ZFPM2: variants seen among roughly 807,000 people sequenced by gnomAD.
ZFPM2 encodes the protein zinc finger protein, FOG family member 2.
Under a neutral mutation model 98.6 loss-of-function variants are expected in ZFPM2, and 20 were observed. That is an observed-to-expected ratio of 0.20 (90% CI 0.14 to 0.29). The LOEUF (loss-of-function observed/expected upper bound fraction) is 0.29. Among genes scored for constraint, ZFPM2 ranks in the 10% least tolerant of loss-of-function variants. The pLI, the probability that ZFPM2 is intolerant of heterozygous loss-of-function variation, is 1.00. For missense variants in ZFPM2, 1,310 were observed against 1,388.6 expected (o/e 0.94, Z 0.90); for synonymous variants, 518 against 502.7 (o/e 1.03, Z -0.41).
rs76405453 is a variant in ZFPM2, at chr8:105,495,114, C to T, written c.301+50733C>T. On this transcript the variant is annotated intron_variant, in intron 3 of 7. Transcript: ENST00000407775. ...CTGTAGTTTGCCCACTCTTGACCTACCTTTAGCCATTGCTAGGTCCCACCA... is the reference window on the plus strand; with the variant it reads ...CTGTAGTTTGCCCACTCTTGACCTATCTTTAGCCATTGCTAGGTCCCACCA... Among the ~76,000 whole-genome samples the T allele has an allele frequency of 5.1e-3, 783 of 152,326 alleles. 2 individuals carry two copies. The highest frequency in any genetic ancestry group is 0.014 in the Middle Eastern group (4 of 294).
At chr8:105,492,739 C>T (rs1029450766) in intron 3 of ZFPM2, among the ~76,000 whole-genome samples, 10 of 152,098 alleles carry the variant, frequency 6.6e-5, no homozygotes, top group Middle Eastern at 6.3e-3. Flanking sequence ...AAATCCTCAT[C>T]GAACAATACT....
At position 105,600,147 on chromosome 8, in the gene ZFPM2, G is replaced by A. The variant is rs182017460; in HGVS notation, c.421-34099G>A. Among the ~76,000 whole-genome samples, 13 of 152,200 alleles carry A rather than the reference G, an allele frequency of 8.5e-5. No individual in the cohort carries two copies. In the East Asian group the frequency reaches 2.3e-3, roughly 27 times the overall value. ...TACTGAGTTTTGCTCAAGTATTTAA[G>A]ATAGTATTCCTGTTGATTTTAGTCT... On this transcript the variant is annotated intron_variant, in intron 4 of 7. Coordinates refer to ENST00000407775, the MANE Select transcript of ZFPM2 (RefSeq NM_012082.4).
intron 1 of ZFPM2, among the ~76,000 whole-genome samples, chr8:105,328,998 AC>A (rs1812164864): frequency 6.6e-6 from 1 of 151,734 alleles, no homozygotes; most frequent in African/African-American, 2.4e-5. Flanking sequence ...TAAAAATATC[AC>A]CCCACTTCTT....
chr8:105,613,460 A>C (rs1299060515), intron 4 of ZFPM2, among the ~76,000 whole-genome samples: 1 of 152,166 alleles, frequency 6.6e-6, no homozygotes, highest in East Asian at 1.9e-4. Context: ...AAAATAACAA[A>C]TGTGGTAAAA....
At chr8:105,770,884 C>G (rs535870030) in intron 5 of ZFPM2, among the ~76,000 whole-genome samples, 1 of 152,206 alleles carries the variant, frequency 6.6e-6, no homozygotes, top group Non-Finnish European at 1.5e-5. Flanking sequence ...AAAAGAATAT[C>G]ACCCACTAAG....
At chr8:105,449,223 G>C (rs1812438431) in intron 3 of ZFPM2, among the ~76,000 whole-genome samples, 1 of 151,900 alleles carries the variant, frequency 6.6e-6, no homozygotes, top group African/African-American at 2.4e-5. Context: ...CTTACCATCA[G>C]GCTTATAGCA....
At chr8:105,526,500 T>G (rs1814176622) in intron 3 of ZFPM2, among the ~76,000 whole-genome samples, 1 of 152,188 alleles carries the variant, frequency 6.6e-6, no homozygotes, top group African/African-American at 2.4e-5. Context: ...AATCATTTTT[T>G]TCCTCCTAAA....
chr8:105,322,484 T>A (rs1736513003), intron 1 of ZFPM2, among the ~76,000 whole-genome samples: 1 of 151,002 alleles, frequency 6.6e-6, no homozygotes, highest in Non-Finnish European at 1.5e-5. Context: ...TGAATGTCAT[T>A]ATCTGCTCTC....
chr8:105,526,548 A>G (rs1330596092), intron 3 of ZFPM2, among the ~76,000 whole-genome samples: 1 of 152,132 alleles, frequency 6.6e-6, no homozygotes, highest in Non-Finnish European at 1.5e-5. Flanking sequence ...GATTTTTTAA[A>G]TTTTATATTT....
intron 1 of ZFPM2, among the ~76,000 whole-genome samples, chr8:105,327,523 C>T (rs1030816625): frequency 3.3e-5 from 5 of 151,408 alleles, no homozygotes; most frequent in African/African-American, 9.7e-5. Flanking sequence ...AGTGAATTGA[C>T]GAGTCTTCAA....
chr8:105,630,210 C>T (rs1816731636), intron 4 of ZFPM2, among the ~76,000 whole-genome samples: 1 of 152,146 alleles, frequency 6.6e-6, no homozygotes, highest in African/African-American at 2.4e-5. Context: ...TCTTAGCATT[C>T]TAGAATTTTA....
intron 4 of ZFPM2, among the ~76,000 whole-genome samples, chr8:105,624,730 C>T (rs1301083218): frequency 6.6e-6 from 1 of 152,052 alleles, no homozygotes; most frequent in African/African-American, 2.4e-5. Context: ...ACTTCTTATG[C>T]TGAAATTCCT....
intron 4 of ZFPM2, among the ~76,000 whole-genome samples, chr8:105,561,933 GC>G (rs1334584874): frequency 6.6e-6 from 1 of 152,020 alleles, no homozygotes; most frequent in Non-Finnish European, 1.5e-5. Flanking sequence ...TTGTTATTCA[GC>G]TTTTTTGTAA....
intron 5 of ZFPM2, among the ~76,000 whole-genome samples, chr8:105,649,810 A>G (rs558424662): frequency 2.0e-5 from 3 of 152,230 alleles, no homozygotes; most frequent in East Asian, 1.9e-4. Context: ...TTTTTGCATC[A>G]ATGTTCATCA....
chr8:105,699,052 G>A (rs532831433), intron 5 of ZFPM2, among the ~76,000 whole-genome samples: 145 of 152,188 alleles, frequency 9.5e-4, no homozygotes, highest in Non-Finnish European at 1.7e-3. Flanking sequence ...AAAAAGATCT[G>A]CAGTTTAATT....
At chr8:105,342,899 C>T (rs1264523232) in intron 1 of ZFPM2, among the ~76,000 whole-genome samples, 1 of 151,948 alleles carries the variant, frequency 6.6e-6, no homozygotes, top group African/African-American at 2.4e-5. Context: ...TACTAAACTC[C>T]TAGGTCTGGC....
intron 3 of ZFPM2, among the ~76,000 whole-genome samples, chr8:105,513,750 A>T (rs1352113468): frequency 6.6e-6 from 1 of 152,232 alleles, no homozygotes; most frequent in African/African-American, 2.4e-5. Flanking sequence ...TCTATGCTTT[A>T]AAAAGGTATT....
intron 5 of ZFPM2, among the ~76,000 whole-genome samples, chr8:105,711,667 C>T (rs1182278166): frequency 6.6e-6 from 1 of 151,974 alleles, no homozygotes; most frequent in African/African-American, 2.4e-5. Flanking sequence ...GATTTTTACC[C>T]CCAGAAGTGT....
At chr8:105,495,664 A>G (rs1185957925) in intron 3 of ZFPM2, among the ~76,000 whole-genome samples, 12 of 152,190 alleles carry the variant, frequency 7.9e-5, no homozygotes, top group Admixed American at 7.2e-4. Context: ...CATCAACTGC[A>G]AAACAGGAGG....
Sources: gnomAD v4.1 joint callset for allele counts (sites outside exome capture counted in the v4.1 genomes callset) on GRCh38, gnomAD v4.1.1 for gene constraint, MANE v1.5 for transcripts, NCBI Gene and HGNC (gene_info 2026-07-23, HGNC 2026-07-21) for gene names.